The following CEP76 variants were observed in gnomAD, a reference collection of about 807,000 sequenced individuals.
The protein encoded by CEP76 is centrosomal protein of 76 kDa.
A neutral mutation model predicts 83.3 loss-of-function variants in CEP76; 55 were observed. The ratio of observed to expected loss-of-function variants is 0.66; its 90% CI spans 0.53 to 0.83. The LOEUF (loss-of-function observed/expected upper bound fraction) is 0.83. Ranked by LOEUF, CEP76 falls within the 40% of genes least tolerant of loss-of-function variation. The pLI is 0.00. For synonymous variants in CEP76, 270 were observed against 274.5 expected (o/e 0.98, Z 0.16); for missense variants, 694 against 799.5 (o/e 0.87, Z 1.59).
intron 4 of CEP76, 197 bp downstream of exon 4, chr18:12,698,782 T>C (rs367640626): frequency 9.1e-5 from 52 of 569,692 alleles, no homozygotes; most frequent in East Asian, 5.4e-4. Flanking sequence ...CAAAAAATAA[T>C]ATCCAGGGAA....
chr18:12,681,830 T>A (rs2039359178), intron 8 of CEP76, among the ~76,000 whole-genome samples: 1 of 151,882 alleles, frequency 6.6e-6, no homozygotes, highest in African/African-American at 2.4e-5. Context: ...TAAAGACCTA[T>A]AAAAAAATAG....
chr18:12,669,134 A>G (rs2038876053), downstream of CEP76, among the ~76,000 whole-genome samples: 1 of 125,414 alleles, frequency 8.0e-6, no homozygotes, highest in Admixed American at 9.4e-5. Context: ...TTTTTTTTTG[A>G]GACAGAGTTT....
upstream of CEP76, chr18:12,702,752 T>C (rs932706553): frequency 5.0e-6 from 3 of 600,206 alleles, no homozygotes; most frequent in Middle Eastern, 4.4e-4. Flanking sequence ...GCGCCAACTG[T>C]TTTCAAACAG....
chr18:12,694,323 G>A (rs1373766364), intron 6 of CEP76, among the ~76,000 whole-genome samples: 1 of 152,184 alleles, frequency 6.6e-6, no homozygotes, highest in Non-Finnish European at 1.5e-5. Flanking sequence ...TGACAGGCAG[G>A]GTGGAGTAAA....
chr18:12,697,391 C>A lies in CEP76; in HGVS notation c.538G>T (p.Ala180Ser), dbSNP rs1314577108. 6.2e-7 allele frequency: 1 copy of A among 1,609,058 alleles called. No individual in the cohort carries two copies. The highest frequency in any genetic ancestry group is 8.5e-7 in the Non-Finnish European group (1 of 1,177,314). The change falls in exon 5 of 12, where the codon GCT becomes TCT. Residue 180 changes from alanine to serine, a missense_variant. Physicochemically the swap from Ala to Ser is moderately conservative, Grantham distance 99. Transcript: ENST00000262127. Reference sequence around the variant, plus strand: ...ATTGATAACATTGTTGTTGAATCAGCCATTCTAGTTCCATCACCTAGCAAT... The same window carrying A: ...ATTGATAACATTGTTGTTGAATCAGACATTCTAGTTCCATCACCTAGCAAT... The part of the protein sequence containing the change: ...RESLGDGTRM[A>S]DSTTMLSISD...
chr18:12,679,388 G>GAGGCAGGAAGCACACTAGC (rs985148276), intron 9 of CEP76: 28 of 152,174 alleles, frequency 1.8e-4, no homozygotes, highest in Admixed American at 7.2e-4. Context: ...TTCAATCTGC[G>GAGGCAGGAAGCACACTAGC]AGGCAGGAAG....
intron 9 of CEP76, chr18:12,679,117 T>A (rs1372428817): frequency 6.6e-6 from 1 of 151,616 alleles, no homozygotes; most frequent in East Asian, 1.9e-4. Context: ...AACACACACA[T>A]TTAAAGACAA....
intron 4 of CEP76, among the ~76,000 whole-genome samples, chr18:12,698,204 T>C (rs2040026616): frequency 6.6e-6 from 1 of 151,668 alleles, no homozygotes. Flanking sequence ...ATTAGAAGTT[T>C]TTATAAATAA....
chr18:12,690,783 G>A (rs1448762490), intron 7 of CEP76, among the ~76,000 whole-genome samples: 1 of 152,118 alleles, frequency 6.6e-6, no homozygotes, highest in Non-Finnish European at 1.5e-5. Flanking sequence ...ATATTGGTCT[G>A]TTAAAGAGAG....
downstream of CEP76, among the ~76,000 whole-genome samples, chr18:12,671,556 C>T (rs2038942488): frequency 6.7e-6 from 1 of 149,418 alleles, no homozygotes; most frequent in African/African-American, 2.5e-5. Context: ...AATTGCTACT[C>T]TTTTTAAAGT....
intron 12 of CEP76, among the ~76,000 whole-genome samples, chr18:12,667,240 C>A (rs1020523082): frequency 6.6e-6 from 1 of 152,092 alleles, no homozygotes; most frequent in South Asian, 2.1e-4. Flanking sequence ...TGAGGAGGAT[C>A]GCTTGAGGCC....
At chr18:12,668,597 C>CAAAAAAAAAAAAAAAAAAAAAA (rs752216074), downstream of CEP76, among the ~76,000 whole-genome samples, 4 of 72,836 alleles carry the variant, frequency 5.5e-5, no homozygotes, top group Admixed American at 2.3e-4. Context: ...GATTCCATCT[C>CAAAAAAAAAAAAAAAAAAAAAA]AAAAAAAAAA....
chr18:12,702,576 T>A lies in CEP76; in HGVS notation c.-28A>T. 6.3e-7 allele frequency: 1 copy of A among 1,581,386 alleles called. No individual in the cohort carries two copies. The highest frequency in any genetic ancestry group is 8.6e-7 in the Non-Finnish European group (1 of 1,165,526). On this transcript the variant is annotated 5_prime_UTR_variant, in exon 1 of 12. Transcript: ENST00000262127. ...TGGCAGCCGGCGTCTCCCCGCCGCT[T>A]CTCCCCGCCTCAGATGCCCTAACTG...
chr18:12,674,916 CAGAT>C lies in CEP76; in HGVS notation c.1624-167_1624-164del, dbSNP rs376358637. ...TATAGGGATACATAGAAATAAAAAT[CAGAT>C]AAAAGGAACTATAGGTGATCAGATT... is the stretch of plus-strand genomic sequence containing the variant. On this transcript the variant is annotated intron_variant, in intron 10 of 11. Coordinates refer to ENST00000262127, the MANE Select transcript of CEP76 (RefSeq NM_024899.4). 8.1e-3 allele frequency among the ~76,000 whole-genome samples: 1,237 copies of C among 151,802 alleles called. 15 individuals are homozygous for C. The highest frequency in any genetic ancestry group is 0.029 in the African/African-American group (1,181 of 41,418).
At chr18:12,675,020 T>C (rs1226349633) in intron 10 of CEP76, among the ~76,000 whole-genome samples, 2 of 152,218 alleles carry the variant, frequency 1.3e-5, no homozygotes, top group African/African-American at 4.8e-5. Context: ...ACTTCTCTAA[T>C]ATCTACTACA....
At chr18:12,669,415 AT>A (rs1041000290), downstream of CEP76, among the ~76,000 whole-genome samples, 4 of 151,412 alleles carry the variant, frequency 2.6e-5, no homozygotes, top group East Asian at 7.8e-4. Context: ...CCTGGCCCCA[AT>A]TTTTTTTATT....
At chr18:12,666,345 T>C (rs980184963) in intron 12 of CEP76, among the ~76,000 whole-genome samples, 4 of 151,826 alleles carry the variant, frequency 2.6e-5, no homozygotes, top group Non-Finnish European at 5.9e-5. Flanking sequence ...AAAAAATTAT[T>C]ATCTTGCAAA....
At chr18:12,695,771 T>C (rs1382011187) in intron 5 of CEP76, among the ~76,000 whole-genome samples, 1 of 152,098 alleles carries the variant, frequency 6.6e-6, no homozygotes, top group African/African-American at 2.4e-5. Context: ...CTCTTAATTT[T>C]TGTCTTAATT....
chr18:12,694,475 G>C (rs537695908), intron 6 of CEP76, among the ~76,000 whole-genome samples: 2 of 152,112 alleles, frequency 1.3e-5, no homozygotes, highest in Admixed American at 6.5e-5. Flanking sequence ...AAAATCTGCC[G>C]ATCTTTTAAG....
Sources: gnomAD v4.1 joint callset for allele counts (sites outside exome capture counted in the v4.1 genomes callset) on GRCh38, gnomAD v4.1.1 for gene constraint, MANE v1.5 for transcripts, NCBI Gene and HGNC (gene_info 2026-07-23, HGNC 2026-07-21) for gene names.